The following GNPTAB variants were observed in gnomAD, a reference collection of about 807,000 sequenced individuals.
GNPTAB encodes N-acetylglucosamine-1-phosphotransferase subunits alpha/beta.
GNPTAB carries 92 observed loss-of-function variants against 136.6 expected under a neutral mutation model. That is an observed-to-expected ratio of 0.67 (90% confidence interval 0.57 to 0.80). The LOEUF (loss-of-function observed/expected upper bound fraction) is 0.80, where lower values mean the gene tolerates loss of function less well. GNPTAB is among the 30% of genes least tolerant of loss of function. GNPTAB has a pLI of 0.00. For missense variants in GNPTAB, 1,343 were observed against 1,501.8 expected, an observed-to-expected ratio of 0.89 and a Z score of 1.75; for synonymous variants, 512 against 535.1, an observed-to-expected ratio of 0.96 and a Z score of 0.60.
Position 101,770,112 on chromosome 12 carries a change from A to T in GNPTAB, c.1193T>A (p.Leu398Gln), listed in dbSNP as rs1953149176. The change falls in exon 10 of 21, where the codon CTG becomes CAG. Residue 398 changes from leucine to glutamine, a missense_variant. By Grantham distance (113) the Leu-to-Gln change is moderately radical. Coordinates refer to ENST00000299314, the MANE Select transcript of GNPTAB (RefSeq NM_024312.5). ...IESHIHRIEGLSQKFIYLNDD... is the reference protein window; with the variant it reads ...IESHIHRIEGQSQKFIYLNDD... ...ATTTAGGTAAATAAACTTCTGGGAC[A>T]GCCCTTCGATGCGATGAATGTGACT... 1 of 1,614,044 alleles carries T rather than the reference A, an allele frequency of 6.2e-7. No homozygotes were observed. The highest frequency in any genetic ancestry group is 1.7e-5 in the Admixed American group (1 of 60,010).
chr12:101,757,786 ACTACATATACAT>A, intron 16 of GNPTAB, 129 bp from the exon 17 acceptor site: 1 of 689,504 alleles, frequency 1.5e-6, no homozygotes, highest in Non-Finnish European at 2.6e-6. Context: ...ACCAACTGTG[ACTACATATACAT>A]CTTTTTCATC....
At chr12:101,812,105 C>T (rs956601974) in intron 1 of GNPTAB, among the ~76,000 whole-genome samples, 1 of 151,748 alleles carries the variant, frequency 6.6e-6, no homozygotes, top group African/African-American at 2.4e-5. Flanking sequence ...AAATGCTGGG[C>T]GTGGTGGCAT....
intron 18 of GNPTAB, among the ~76,000 whole-genome samples, chr12:101,754,423 T>C (rs2137103146): frequency 6.6e-6 from 1 of 151,590 alleles, no homozygotes; most frequent in African/African-American, 2.4e-5. Flanking sequence ...AAAGCGAGAC[T>C]CTGTCTCAAA....
At chr12:101,763,149 G>A (rs1953027048) in intron 13 of GNPTAB, among the ~76,000 whole-genome samples, 1 of 150,892 alleles carries the variant, frequency 6.6e-6, no homozygotes, top group African/African-American at 2.4e-5. Flanking sequence ...TTGAACCTGG[G>A]AGGCAAAGAC....
chr12:101,795,702 G>A (rs978899905), intron 2 of GNPTAB, among the ~76,000 whole-genome samples: 4 of 151,706 alleles, frequency 2.6e-5, no homozygotes, highest in Admixed American at 6.6e-5. Flanking sequence ...GCAGTGAGCC[G>A]AAATCGTGCC....
At chr12:101,784,029 A>G (rs1868490842) in intron 5 of GNPTAB, among the ~76,000 whole-genome samples, 2 of 152,176 alleles carry the variant, frequency 1.3e-5, no homozygotes, top group Admixed American at 1.3e-4. Flanking sequence ...CAAACTAAAA[A>G]TAACTTGTTA....
At chr12:101,777,295 G>A (rs537613497) in intron 7 of GNPTAB, among the ~76,000 whole-genome samples, 1 of 152,268 alleles carries the variant, frequency 6.6e-6, no homozygotes, top group Non-Finnish European at 1.5e-5. Context: ...CCTTTCCCTA[G>A]TATGTTCCTT....
At chr12:101,791,471 A>AAT (rs1566088193) in intron 2 of GNPTAB, among the ~76,000 whole-genome samples, 2 of 151,678 alleles carry the variant, frequency 1.3e-5, no homozygotes, top group African/African-American at 4.8e-5. Flanking sequence ...AAAAAAAAAA[A>AAT]AATAATAAAC....
Position 101,772,545 on chromosome 12 carries a change from C to T in GNPTAB, c.772-1388G>A, listed in dbSNP as rs77308455. Among the ~76,000 whole-genome samples, 439 of 152,314 alleles carry T rather than the reference C, an allele frequency of 2.9e-3. 2 individuals carry two copies. Among genetic ancestry groups the T allele is most frequent in the Non-Finnish European group, 4.9e-3 (330 of 68,022 alleles). On this transcript the variant is annotated intron_variant, in intron 7 of 20. Coordinates refer to ENST00000299314, the MANE Select transcript of GNPTAB (RefSeq NM_024312.5). ...ACCTGCAGATGCATGTAACTGTCTT[C>T]CTGACTCACCACTTTCACCTCTTTT...
chr12:101,807,458 A>G (rs1281803035), intron 1 of GNPTAB, among the ~76,000 whole-genome samples: 4 of 152,224 alleles, frequency 2.6e-5, no homozygotes. Flanking sequence ...AAAAAAGGAA[A>G]TAAAAGGTAA....
chr12:101,803,565 G>C (rs1163063134), intron 1 of GNPTAB, among the ~76,000 whole-genome samples: 1 of 152,176 alleles, frequency 6.6e-6, no homozygotes, highest in Non-Finnish European at 1.5e-5. Flanking sequence ...CCACTATTTA[G>C]TCAAACACTA....
At chr12:101,786,280 T>C (rs1319007399) in intron 4 of GNPTAB, 63 bp from the exon 5 acceptor site, 12 of 1,288,190 alleles carry the variant, frequency 9.3e-6, no homozygotes, top group Non-Finnish European at 1.3e-5. Context: ...AATGAGAAGC[T>C]TGTCATACTA....
At chr12:101,817,341 C>T (rs1434608092) in intron 1 of GNPTAB, among the ~76,000 whole-genome samples, 1 of 145,870 alleles carries the variant, frequency 6.9e-6, no homozygotes, top group Admixed American at 7.0e-5. Flanking sequence ...AATCATGGCT[C>T]AATGTAGCCT....
intron 7 of GNPTAB, among the ~76,000 whole-genome samples, chr12:101,777,146 T>TCA: frequency 6.6e-6 from 1 of 152,342 alleles, no homozygotes; most frequent in Middle Eastern, 3.4e-3. Flanking sequence ...AGCTTGTAAG[T>TCA]CACCAAGTGA....
intron 10 of GNPTAB, 81 bp downstream of exon 10, chr12:101,769,940 A>T: frequency 7.6e-7 from 1 of 1,314,294 alleles, no homozygotes; most frequent in Non-Finnish European, 1.1e-6. Flanking sequence ...CTGATATTTG[A>T]CTACAGTAGT....
At chr12:101,783,816 G>A (rs1306979301) in intron 5 of GNPTAB, among the ~76,000 whole-genome samples, 1 of 151,730 alleles carries the variant, frequency 6.6e-6, no homozygotes, top group East Asian at 1.9e-4. Context: ...CCAGGCTCAA[G>A]CGATCCTACC....
rs1434465669 is a variant in GNPTAB, at chr12:101,766,272, A to T, written c.1431T>A (p.Tyr477Ter). The T allele has an allele frequency of 6.2e-7, 1 of 1,613,846 alleles. No individual in the cohort carries two copies. The highest frequency in any genetic ancestry group is 1.1e-5 in the South Asian group (1 of 91,064). The change falls in exon 12 of 21, where the codon TAT (tyrosine) becomes TAA (stop). Residue 477 changes from tyrosine (Y) to a stop codon, truncating the protein, a stop_gained. Coordinates refer to ENST00000299314, the MANE Select transcript of GNPTAB (RefSeq NM_024312.5). LOFTEE classifies it high-confidence loss of function. Reference sequence around the variant, plus strand: ...TCCCAGTACCTCCACCTCCTGCAATATAGCGACTCCCTCCACTGTTTCCTG... The same window carrying T: ...TCCCAGTACCTCCACCTCCTGCAATTTAGCGACTCCCTCCACTGTTTCCTG... ...DCSGNSGGSRYIAGGGGTGSI... is the reference protein window; with the variant it reads ...DCSGNSGGSR
intron 5 of GNPTAB, among the ~76,000 whole-genome samples, chr12:101,784,586 T>C (rs768537274): frequency 1.8e-4 from 27 of 151,572 alleles, no homozygotes; most frequent in Non-Finnish European, 3.2e-4. Context: ...GGACTTTACA[T>C]AGACAGAGCA....
At position 101,820,750 on chromosome 12, in the gene GNPTAB, C is replaced by T. The variant is rs143712799; in HGVS notation, c.117+9809G>A. 2.7e-3 allele frequency among the ~76,000 whole-genome samples: 415 copies of T among 152,276 alleles called. 2 individuals are homozygous for T. The highest frequency in any genetic ancestry group is 0.014 in the Middle Eastern group (4 of 294). On this transcript the variant is annotated intron_variant, in intron 1 of 20. Transcript: ENST00000299314. ...CTTACCCTCTACGGTTGAACTCAAA[C>T]AGCATCAAGCAAGAAAGCATCTCCC...
Sources: allele counts gnomAD v4.1 joint callset (sites outside exome capture counted in the v4.1 genomes callset), GRCh38; gene constraint gnomAD v4.1.1; transcripts MANE v1.5; gene names NCBI Gene and HGNC (gene_info 2026-07-23, HGNC 2026-07-21).